CDC5L: variants seen among roughly 807,000 people sequenced by gnomAD.
The protein encoded by CDC5L is cell division cycle 5 like, also known as cell division cycle 5-like protein.
Under a neutral mutation model 104.1 loss-of-function variants are expected in CDC5L, and 18 were observed. That is an observed-to-expected ratio of 0.17 (90% CI 0.12 to 0.26). The LOEUF (loss-of-function observed/expected upper bound fraction) is 0.26. CDC5L is among the 10% of genes least tolerant of loss of function. CDC5L has a pLI of 1.00. For missense variants in CDC5L, 673 were observed against 956.9 expected (o/e 0.70, Z 3.91); for synonymous variants, 331 against 322.7 (o/e 1.03, Z -0.28).
chr6:44,432,114 C>T (rs1308809620), intron 14 of CDC5L, among the ~76,000 whole-genome samples: 1 of 152,182 alleles, frequency 6.6e-6, no homozygotes, highest in South Asian at 2.1e-4. Flanking sequence ...TAAACAAACC[C>T]CCATTTTATT....
At chr6:44,393,044 C>T (rs1484740930) in intron 3 of CDC5L, among the ~76,000 whole-genome samples, 2 of 150,846 alleles carry the variant, frequency 1.3e-5, no homozygotes, top group Non-Finnish European at 2.9e-5. Flanking sequence ...AAGAATTATA[C>T]AAGTCATGCA....
In CDC5L at chr6:44,406,123, A is replaced by T. The variant is rs187268618; in HGVS notation, c.759-200A>T. On this transcript the variant is annotated intron_variant, in intron 6 of 15. Transcript: ENST00000371477. Reference sequence around the variant, plus strand: ...CGCCACGTTGGCCAGGCTGGTCTTGAACTCCTGACCTCAGGTAATCCACCC... The same window carrying T: ...CGCCACGTTGGCCAGGCTGGTCTTGTACTCCTGACCTCAGGTAATCCACCC... 2.0e-3 allele frequency among the ~76,000 whole-genome samples: 298 copies of T among 152,132 alleles called. 2 individuals are homozygous for T. Among genetic ancestry groups the T allele is most frequent in the Non-Finnish European group, 1.4e-3 (94 of 68,010 alleles).
At chr6:44,404,612 C>T (rs911587303) in intron 6 of CDC5L, among the ~76,000 whole-genome samples, 1 of 152,090 alleles carries the variant, frequency 6.6e-6, no homozygotes, top group Admixed American at 6.5e-5. Context: ...CACATCTTAA[C>T]TTTTATGTAC....
chr6:44,416,153 C>T (rs946441751), intron 8 of CDC5L, among the ~76,000 whole-genome samples: 2 of 151,962 alleles, frequency 1.3e-5, no homozygotes, highest in African/African-American at 4.8e-5. Context: ...GGAAACAGAA[C>T]CACTAGGAAA....
intron 5 of CDC5L, 48 bp downstream of exon 5, chr6:44,396,488 C>T (rs748390081): frequency 3.6e-6 from 4 of 1,122,532 alleles, no homozygotes; most frequent in Non-Finnish European, 2.6e-6. Context: ...TCTCACATAA[C>T]AATCAACACA....
rs889657697 is a variant in CDC5L, at chr6:44,447,383, A to G, written c.*672A>G. On this transcript the variant is annotated 3_prime_UTR_variant, in exon 16 of 16. Coordinates refer to ENST00000371477, the MANE Select transcript of CDC5L (RefSeq NM_001253.4). ...CTTGCCCCATTATTTTCTTATAAGT[A>G]TTTTTTGACAAAGGCATTTTAAAAG... The G allele has an allele frequency of 3.9e-5, 6 of 152,286 alleles. No homozygotes were observed. The South Asian group carries it at 8.3e-4, about 21-fold the overall frequency. The allele number at this position is 152,286 out of a possible 1,614,324, so 9.4% of individuals were successfully genotyped here.
chr6:44,409,406 T>G (rs544828103), intron 8 of CDC5L, among the ~76,000 whole-genome samples: 1 of 152,150 alleles, frequency 6.6e-6, no homozygotes, highest in Non-Finnish European at 1.5e-5. Context: ...CTGTTATAAT[T>G]TGGTTAGCTT....
intron 8 of CDC5L, among the ~76,000 whole-genome samples, chr6:44,409,376 A>C (rs762395633): frequency 2.0e-5 from 3 of 152,052 alleles, no homozygotes; most frequent in Non-Finnish European, 4.4e-5. Context: ...TCATGCATAC[A>C]TTTTCTATTC....
rs114697270 is a variant in CDC5L, at chr6:44,394,793, T to C, written c.439+1220T>C. 8.5e-3 allele frequency among the ~76,000 whole-genome samples: 946 copies of C among 111,292 alleles called. 10 individuals carry two copies. Among genetic ancestry groups the C allele is most frequent in the African/African-American group, 0.029 (890 of 30,352 alleles). The allele number at this position is 111,292 out of a possible 152,430, so 73.0% of individuals were successfully genotyped here. On this transcript the variant is annotated intron_variant, in intron 4 of 15. Coordinates refer to ENST00000371477, the MANE Select transcript of CDC5L (RefSeq NM_001253.4). ...AATCACTTGAGCCCGGGAGGCTGGGTTTGCCATGAGCTGAGATCAAGCACT... is the reference window on the plus strand; with the variant it reads ...AATCACTTGAGCCCGGGAGGCTGGGCTTGCCATGAGCTGAGATCAAGCACT...
rs1250133412 is a variant in CDC5L at position 44,447,305 on chromosome 6, G to A, written c.*594G>A. 6.6e-6 allele frequency: 1 copy of A among 151,922 alleles called. No homozygotes were observed. Among genetic ancestry groups the A allele is most frequent in the African/African-American group, 2.4e-5 (1 of 41,354 alleles). The allele number at this position is 151,922 out of a possible 1,614,324, so 9.4% of individuals were successfully genotyped here. ...AATATCACTTTAAAGAAGGTCTCTT[G>A]TCTGCCAGCTACTTAAATAATTTAT... is the stretch of plus-strand genomic sequence containing the variant. On this transcript the variant is annotated 3_prime_UTR_variant, in exon 16 of 16. Coordinates refer to ENST00000371477, the MANE Select transcript of CDC5L (RefSeq NM_001253.4).
At chr6:44,439,041 C>G (rs575924758) in intron 14 of CDC5L, among the ~76,000 whole-genome samples, 1 of 152,108 alleles carries the variant, frequency 6.6e-6, no homozygotes, top group Non-Finnish European at 1.5e-5. Context: ...CCTAGGAAAC[C>G]ATTAATCTAC....
chr6:44,405,366 A>G (rs1791317649), intron 6 of CDC5L, among the ~76,000 whole-genome samples: 2 of 152,216 alleles, frequency 1.3e-5, no homozygotes, highest in Admixed American at 6.5e-5. Flanking sequence ...AGGCTCTACA[A>G]ATAAAGAGAT....
chr6:44,391,784 T>A (rs1046498761), intron 2 of CDC5L, among the ~76,000 whole-genome samples: 3 of 151,674 alleles, frequency 2.0e-5, no homozygotes, highest in Admixed American at 6.6e-5. Context: ...AAGGCTGGGA[T>A]CACCTGAGGT....
intron 14 of CDC5L, among the ~76,000 whole-genome samples, chr6:44,437,886 G>C (rs1793006001): frequency 6.6e-6 from 1 of 152,200 alleles, no homozygotes; most frequent in African/African-American, 2.4e-5. Context: ...TAAGGTTTTG[G>C]AATGTGTGTT....
chr6:44,389,128 T>G (rs1269946791), intron 1 of CDC5L, among the ~76,000 whole-genome samples: 1 of 152,154 alleles, frequency 6.6e-6, no homozygotes, highest in Non-Finnish European at 1.5e-5. Context: ...TCGACAGGTA[T>G]TTGCAGAATG....
intron 14 of CDC5L, among the ~76,000 whole-genome samples, chr6:44,443,021 C>T (rs1273913525): frequency 1.3e-5 from 2 of 150,558 alleles, no homozygotes. Flanking sequence ...TTTTTTTTCT[C>T]TCTCTTTCTT....
chr6:44,428,040 A>AG (rs201966752), intron 13 of CDC5L, among the ~76,000 whole-genome samples: 3,498 of 152,274 alleles, frequency 0.023, 62 homozygotes, highest in Middle Eastern at 0.037. Context: ...TTCCAAAAAG[A>AG]ATTTGAAGCA....
chr6:44,439,391 C>T (rs1179332145), intron 14 of CDC5L, among the ~76,000 whole-genome samples: 3 of 151,730 alleles, frequency 2.0e-5, no homozygotes, highest in Non-Finnish European at 4.4e-5. Context: ...TTAGATACTT[C>T]CTTCACCTCA....
Position 44,408,565 on chromosome 6 carries a change from A to G in CDC5L, c.1025A>G (p.Asn342Ser), listed in dbSNP as rs376004864. 61 of 1,613,858 alleles carry G rather than the reference A, an allele frequency of 3.8e-5. 1 individual carries two copies. In the Middle Eastern group the frequency reaches 4.9e-4, roughly 13 times the overall value. Reference sequence around the variant, plus strand: ...TCCAGTACACTTTTGTCTGAGTACAATGTCACCAACAACAGCGTTGCTCTT... The same window carrying G: ...TCCAGTACACTTTTGTCTGAGTACAGTGTCACCAACAACAGCGTTGCTCTT... ...SASSTLLSEYNVTNNSVALRT... is the reference protein window; with the variant it reads ...SASSTLLSEYSVTNNSVALRT... Residue 342 changes from asparagine to serine, a missense_variant, in exon 8 of 16, where the codon AAT becomes AGT. By Grantham distance (46) the Asn-to-Ser change is conservative. This residue lies in a region of CDC5L where 578 missense variants were observed against 737.0 expected (regional missense o/e 0.78). Transcript: ENST00000371477.
Sources: allele counts gnomAD v4.1 joint callset (sites outside exome capture counted in the v4.1 genomes callset), GRCh38; gene constraint gnomAD v4.1.1; regional missense constraint gnomAD v4.1.1; transcripts MANE v1.5; gene names NCBI Gene and HGNC (gene_info 2026-07-23, HGNC 2026-07-21).